The following HIF3A variants were observed in gnomAD, a reference collection of about 807,000 sequenced individuals.
HIF3A encodes the protein hypoxia inducible factor 3 subunit alpha.
A neutral mutation model predicts 67.2 loss-of-function variants in HIF3A; 41 were observed. That is an observed-to-expected ratio of 0.61 (90% CI 0.48 to 0.79). The LOEUF is 0.79. Among genes scored for constraint, HIF3A ranks in the 30% least tolerant of loss-of-function variants. The probability of loss-of-function intolerance (pLI) is 0.00; values close to 1 mark genes in which losing one functional copy is unlikely to be tolerated. For synonymous variants in HIF3A, 356 were observed against 374.8 expected (o/e 0.95, Z 0.58); for missense variants, 855 against 898.0 (o/e 0.95, Z 0.61).
intron 11 of HIF3A, among the ~76,000 whole-genome samples, chr19:46,326,002 C>T: frequency 6.6e-6 from 1 of 152,170 alleles, no homozygotes; most frequent in South Asian, 2.1e-4. Flanking sequence ...CACCTTAAAA[C>T]AACAACTATT....
At position 46,305,280 on chromosome 19, in the gene HIF3A, C is replaced by G; in HGVS notation, c.253C>G (p.Leu85Val). The part of the protein sequence containing the change: ...WNQVGAGGEP[L>V]DACYLKALEG... ...CCAGGTGGGAGCAGGGGGAGAACCA[C>G]TGGATGCCTGCTACCTGAAGGCCCT... Residue 85 changes from leucine to valine, a missense_variant, in exon 3 of 15, where the codon CTG (leucine) becomes GTG (valine). Leu to Val is a conservative substitution (Grantham distance 32). Coordinates refer to ENST00000377670, the MANE Select transcript of HIF3A (RefSeq NM_152795.4). 6.2e-7 allele frequency: 1 copy of G among 1,614,082 alleles called. No homozygotes were observed. Among genetic ancestry groups the G allele is most frequent in the African/African-American group, 1.3e-5 (1 of 75,058 alleles).
At chr19:46,308,876 G>GTGTGAGCCCTGAAAGATCTT in intron 5 of HIF3A, 101 bp downstream of exon 5, 1 of 804,118 alleles carries the variant, frequency 1.2e-6, no homozygotes, top group Non-Finnish European at 2.0e-6. Flanking sequence ...CCTAGGCTGG[G>GTGTGAGCCCTGAAAGATCTT]GACCCTGCGG....
chr19:46,334,141 G>GAT (rs1164561453), intron 13 of HIF3A, among the ~76,000 whole-genome samples: 1 of 151,100 alleles, frequency 6.6e-6, no homozygotes, highest in Non-Finnish European at 1.5e-5. Flanking sequence ...TACCAGGCTA[G>GAT]AGTGCAGTGG....
In HIF3A at chr19:46,321,769, C is replaced by T. The variant is rs750835599; in HGVS notation, c.1145-7C>T. The T allele has an allele frequency of 3.7e-6, 6 of 1,612,196 alleles. No individual in the cohort carries two copies. Among genetic ancestry groups the T allele is most frequent in the Admixed American group, 1.7e-5 (1 of 59,948 alleles). ...CCGTGTCCTCCCCATCTCCATGTGTCCTGCAGACACCCCTGGCCCCCGGAT... is the reference window on the plus strand; with the variant it reads ...CCGTGTCCTCCCCATCTCCATGTGTTCTGCAGACACCCCTGGCCCCCGGAT... On this transcript the variant is annotated splice_polypyrimidine_tract_variant and splice_region_variant and intron_variant, in intron 9 of 14. Transcript: ENST00000377670.
At chr19:46,298,612 GGTGGGTAC>G (rs1968060261) in intron 1 of HIF3A, 1 of 948,238 alleles carries the variant, frequency 1.1e-6, no homozygotes, top group Non-Finnish European at 1.4e-6. Flanking sequence ...GGAAGTCCCT[GGTGGGTAC>G]GGCTTGCAGC....
intron 13 of HIF3A, among the ~76,000 whole-genome samples, chr19:46,333,214 C>T (rs1317876184): frequency 6.6e-6 from 1 of 152,134 alleles, no homozygotes; most frequent in Admixed American, 6.6e-5. Flanking sequence ...AGTTAAACAA[C>T]TGTATCAGAG....
rs558056879 is a variant in HIF3A at position 46,328,443 on chromosome 19, A to T, written c.1441-764A>T. Among the ~76,000 whole-genome samples the T allele has an allele frequency of 1.3e-4, 20 of 152,188 alleles. No individual in the cohort carries two copies. The South Asian group carries it at 4.2e-3, about 32-fold the overall frequency. Reference sequence around the variant, plus strand: ...CTTCCTTTAGGAGAAATATTTTTTTATCTCTCTCTCTTCTTGCCTTTTACT... The same window carrying T: ...CTTCCTTTAGGAGAAATATTTTTTTTTCTCTCTCTCTTCTTGCCTTTTACT... On this transcript the variant is annotated intron_variant, in intron 11 of 14. Transcript: ENST00000377670.
chr19:46,320,418 C>T (rs376388732), intron 8 of HIF3A, 25 bp from the exon 9 acceptor site: 8 of 1,584,020 alleles, frequency 5.1e-6, no homozygotes, highest in Non-Finnish European at 2.6e-6. Flanking sequence ...CTGACTCCCA[C>T]CTCCCTTTCT....
At chr19:46,337,287 G>C (rs1971696517) in intron 14 of HIF3A, among the ~76,000 whole-genome samples, 1 of 152,070 alleles carries the variant, frequency 6.6e-6, no homozygotes, top group South Asian at 2.1e-4. Flanking sequence ...GTCTTGCTCT[G>C]TTGCCCAGGC....
Position 46,312,192 on chromosome 19 carries a change from G to A in HIF3A, c.802G>A (p.Asp268Asn), listed in dbSNP as rs766941547. The A allele has an allele frequency of 1.1e-5, 17 of 1,614,032 alleles. No individual in the cohort carries two copies. The highest frequency in any genetic ancestry group is 1.4e-5 in the Non-Finnish European group (17 of 1,180,018). ...AGAAGTGGCTGGCTATAGTCCCGATGACCTGATCGGCTGTTCCGCCTACGA... is the reference window on the plus strand; with the variant it reads ...AGAAGTGGCTGGCTATAGTCCCGATAACCTGATCGGCTGTTCCGCCTACGA... Reference protein sequence around the residue: ...IAEVAGYSPDDLIGCSAYEYI... With the variant: ...IAEVAGYSPDNLIGCSAYEYI... The change falls in exon 7 of 15, where the codon GAC (aspartate) becomes AAC (asparagine). Residue 268 changes from aspartate to asparagine, a missense_variant. Physicochemically the swap from Asp to Asn is conservative, Grantham distance 23 (BLOSUM62 1). Transcript: ENST00000377670.
rs1230968710 is a variant in HIF3A, at chr19:46,329,312, C to T, written c.1546C>T (p.Leu516=). Residue 516 remains leucine (L), a synonymous_variant, in exon 12 of 15, where the codon CTG becomes TTG. Coordinates refer to ENST00000377670, the MANE Select transcript of HIF3A (RefSeq NM_152795.4). ...GCTACCCAGGGCCTACCACAGACCTCTGGGGGCTGTCCCCCGGCCCCGTGC... is the reference window on the plus strand; with the variant it reads ...GCTACCCAGGGCCTACCACAGACCTTTGGGGGCTGTCCCCCGGCCCCGTGC... ...EQLPRAYHRP[L]GAVPRPRARS... is the part of the protein sequence containing the mutation. 1 of 1,613,412 alleles carries T rather than the reference C, an allele frequency of 6.2e-7. No homozygotes were observed. The highest frequency in any genetic ancestry group is 8.5e-7 in the Non-Finnish European group (1 of 1,179,976).
chr19:46,334,037 C>T (rs1337307942), intron 13 of HIF3A, among the ~76,000 whole-genome samples: 1 of 151,904 alleles, frequency 6.6e-6, no homozygotes, highest in Non-Finnish European at 1.5e-5. Context: ...TCGTGATCCG[C>T]CCAACTCGGC....
intron 14 of HIF3A, among the ~76,000 whole-genome samples, chr19:46,336,481 C>T (rs1971630117): frequency 6.6e-6 from 1 of 152,078 alleles, no homozygotes; most frequent in Non-Finnish European, 1.5e-5. Context: ...GATCCTCCCA[C>T]CTCAGCCTCC....
rs1305083857 is a variant in HIF3A at position 46,342,594 on chromosome 19, C to T, written c.*2972C>T. 2 of 152,198 alleles carry T rather than the reference C, an allele frequency of 1.3e-5. No individual in the cohort carries two copies. The highest frequency in any genetic ancestry group is 2.9e-5 in the Non-Finnish European group (2 of 68,050). 9.4% of individuals were successfully genotyped at this position (152,198 alleles called of 1,614,324 possible). ...ATTCCTCTGCTTCTAAGCCTCACAG[C>T]TTCCAACTGCCTTTGATTTCAGATC... On this transcript the variant is annotated 3_prime_UTR_variant, in exon 15 of 15. Coordinates refer to ENST00000377670, the MANE Select transcript of HIF3A (RefSeq NM_152795.4).
chr19:46,325,111 C>T (rs1488145000), intron 10 of HIF3A, among the ~76,000 whole-genome samples: 2 of 150,628 alleles, frequency 1.3e-5, no homozygotes, highest in Non-Finnish European at 3.0e-5. Context: ...ATTCTCCTGC[C>T]TCAGCCTCCC....
intron 10 of HIF3A, among the ~76,000 whole-genome samples, chr19:46,324,113 C>G (rs1970585997): frequency 6.6e-6 from 1 of 152,186 alleles, no homozygotes; most frequent in Admixed American, 6.5e-5. Flanking sequence ...CTGATTTATA[C>G]AGACCTGGAT....
intron 1 of HIF3A, chr19:46,298,411 C>T: frequency 7.8e-7 from 1 of 1,287,940 alleles, no homozygotes; most frequent in African/African-American, 1.5e-5. Context: ...AGTCATCTCA[C>T]CGCCGTGCGC....
chr19:46,332,272 G>A (rs967956792), intron 13 of HIF3A, among the ~76,000 whole-genome samples: 3 of 152,012 alleles, frequency 2.0e-5, no homozygotes, highest in Admixed American at 6.6e-5. Context: ...TGTGGCTCAC[G>A]CCTATATTCC....
In HIF3A at chr19:46,325,530, C is replaced by G; in HGVS notation, c.1336-5C>G. 1 of 1,608,004 alleles carries G rather than the reference C, an allele frequency of 6.2e-7. No homozygotes were observed. The highest frequency in any genetic ancestry group is 1.1e-5 in the South Asian group (1 of 90,938). On this transcript the variant is annotated splice_region_variant and splice_polypyrimidine_tract_variant and intron_variant, in intron 10 of 14. Transcript: ENST00000377670. ...TCCTGAAGTTTCTACTCCATCTCTC[C>G]ACAGGCTGATCTCCCAGATGAACTA...
Sources: gnomAD v4.1 joint callset for allele counts (sites outside exome capture counted in the v4.1 genomes callset) on GRCh38, gnomAD v4.1.1 for gene constraint, MANE v1.5 for transcripts, NCBI Gene and HGNC (gene_info 2026-07-23, HGNC 2026-07-21) for gene names.